UGT1A9: variants seen among roughly 807,000 people sequenced by gnomAD.
UGT1A9 encodes UDP glucuronosyltransferase family 1 member A9, also known as UDP-glucuronosyltransferase 1A9.
A neutral mutation model predicts 45.0 loss-of-function variants in UGT1A9; 35 were observed. That is an observed-to-expected ratio of 0.78 (90% CI 0.59 to 1.03). The LOEUF is 1.03. Ranked by LOEUF, UGT1A9 falls within the 50% of genes least tolerant of loss-of-function variation. UGT1A9 has a pLI of 0.00. For missense variants in UGT1A9, 687 were observed against 666.6 expected, an observed-to-expected ratio of 1.03 and a Z score of -0.34; for synonymous variants, 278 against 250.6, an observed-to-expected ratio of 1.11 and a Z score of -1.03.
intron 1 of UGT1A9, among the ~76,000 whole-genome samples, chr2:233,686,277 A>G (rs2074781499): frequency 6.6e-6 from 1 of 152,130 alleles, no homozygotes; most frequent in Non-Finnish European, 1.5e-5. Context: ...CCAAAAGTAC[A>G]AGAAACTAAA....
rs950679917 is a variant in UGT1A9 at position 233,672,658 on chromosome 2, T to G, written c.724T>G (p.Tyr242Asp). The G allele has an allele frequency of 6.2e-7, 1 of 1,613,752 alleles. No individual in the cohort carries two copies. Among genetic ancestry groups the G allele is most frequent in the Non-Finnish European group, 8.5e-7 (1 of 1,179,832 alleles). Residue 242 changes from tyrosine (Y) to aspartate (D), a missense_variant, in exon 1 of 5, where the codon TAT becomes GAT. Physicochemically the swap from Tyr to Asp is radical, Grantham distance 160. Coordinates refer to ENST00000354728, the MANE Select transcript of UGT1A9 (RefSeq NM_021027.3). ...SEILQTPVTE[Y>D]DLYSHTSIWL... ...AATTCTCCAAACACCTGTTACGGAG[T>G]ATGATCTCTACAGCCACACATCAAT...
intron 1 of UGT1A9, chr2:233,748,062 A>G (rs531373066): frequency 3.5e-4 from 569 of 1,613,430 alleles, no homozygotes; most frequent in Admixed American, 9.3e-4. Context: ...CTGTGCCAAC[A>G]GGAAGCCACT....
At chr2:233,705,093 GC>G (rs1278333462) in intron 1 of UGT1A9, among the ~76,000 whole-genome samples, 27 of 151,684 alleles carry the variant, frequency 1.8e-4, no homozygotes, top group Non-Finnish European at 3.8e-4. Context: ...CCAAGATCGT[GC>G]CATTGCACGC....
At chr2:233,692,979 C>T (rs2075124196) in intron 1 of UGT1A9, 1 of 1,612,844 alleles carries the variant, frequency 6.2e-7, no homozygotes, top group Admixed American at 1.7e-5. Flanking sequence ...CTCTTTATTA[C>T]CGTTGTTACT....
chr2:233,730,512 T>C (rs1468182310), intron 1 of UGT1A9, among the ~76,000 whole-genome samples: 3 of 152,116 alleles, frequency 2.0e-5, no homozygotes, highest in Non-Finnish European at 4.4e-5. Flanking sequence ...GTTGACTCAG[T>C]GGAAGTGGGG....
intron 1 of UGT1A9, among the ~76,000 whole-genome samples, chr2:233,705,227 T>G (rs1012532706): frequency 6.6e-6 from 1 of 152,202 alleles, no homozygotes; most frequent in Non-Finnish European, 1.5e-5. Flanking sequence ...TTATCAGTGC[T>G]TTTTTTCTGT....
At chr2:233,748,014 C>A in intron 1 of UGT1A9, 1 of 1,613,488 alleles carries the variant, frequency 6.2e-7, no homozygotes, top group Non-Finnish European at 8.5e-7. Flanking sequence ...TTACCCCAGG[C>A]CGATCATGCC....
chr2:233,680,498 G>A lies in UGT1A9; in HGVS notation c.855+7709G>A, dbSNP rs565945419. 4.6e-5 allele frequency among the ~76,000 whole-genome samples: 7 copies of A among 152,264 alleles called. No homozygotes were observed. The East Asian group carries it at 1.4e-3, about 29-fold the overall frequency. On this transcript the variant is annotated intron_variant, in intron 1 of 4. Transcript: ENST00000354728. ...GGTGTCCTGGAAGGAACCATCTTGT[G>A]CTTCTACAAGAATTATGCCCTGAGG...
Position 233,672,014 on chromosome 2 carries a change from A to G in UGT1A9, c.80A>G (p.Lys27Arg), listed in dbSNP as rs2074206931. ...LLTCGFAEAGKLLVVPMDGSH... is the reference protein window; with the variant it reads ...LLTCGFAEAGRLLVVPMDGSH... ...ACCTGTGGCTTTGCCGAGGCAGGGA[A>G]GCTACTGGTAGTGCCCATGGATGGG... The change falls in exon 1 of 5, where the codon AAG becomes AGG. Residue 27 changes from lysine (K) to arginine (R), a missense_variant. Lys to Arg is a conservative substitution (Grantham distance 26, BLOSUM62 2). Coordinates refer to ENST00000354728, the MANE Select transcript of UGT1A9 (RefSeq NM_021027.3). 1.2e-6 allele frequency: 2 copies of G among 1,614,010 alleles called. No individual in the cohort carries two copies. Among genetic ancestry groups the G allele is most frequent in the Non-Finnish European group, 1.7e-6 (2 of 1,180,008 alleles).
intron 1 of UGT1A9, among the ~76,000 whole-genome samples, chr2:233,674,864 T>C (rs1297061009): frequency 6.6e-6 from 1 of 152,180 alleles, no homozygotes; most frequent in Non-Finnish European, 1.5e-5. Context: ...AAATTGTCAT[T>C]GACAGAAGGA....
chr2:233,716,827 A>T (rs1249548003), intron 1 of UGT1A9, among the ~76,000 whole-genome samples: 1 of 152,150 alleles, frequency 6.6e-6, no homozygotes, highest in Admixed American at 6.5e-5. Flanking sequence ...GACCTCACTG[A>T]CACCCATGGC....
intron 1 of UGT1A9, among the ~76,000 whole-genome samples, chr2:233,702,673 C>T (rs1237832441): frequency 6.6e-6 from 1 of 152,056 alleles, no homozygotes; most frequent in East Asian, 1.9e-4. Flanking sequence ...CTTATCATAC[C>T]TGAGGTGTTT....
intron 1 of UGT1A9, among the ~76,000 whole-genome samples, chr2:233,730,785 G>C (rs1273458809): frequency 1.3e-5 from 2 of 152,122 alleles, no homozygotes; most frequent in Non-Finnish European, 2.9e-5. Flanking sequence ...TGAAGCTGGG[G>C]ACAGTGATGA....
At chr2:233,759,349 A>C (rs900901642) in intron 1 of UGT1A9, among the ~76,000 whole-genome samples, 1 of 152,146 alleles carries the variant, frequency 6.6e-6, no homozygotes, top group African/African-American at 2.4e-5. Context: ...GAGCGCTGAA[A>C]ATCTCAACTA....
In UGT1A9 at chr2:233,672,185, A is replaced by G. The variant is rs2074213921; in HGVS notation, c.251A>G (p.Glu84Gly). 1 of 1,614,072 alleles carries G rather than the reference A, an allele frequency of 6.2e-7. No individual in the cohort carries two copies. Among genetic ancestry groups the G allele is most frequent in the Admixed American group, 1.7e-5 (1 of 59,998 alleles). ...VKTYSTSYTL[E>G]DLDREFKAFA... Reference sequence around the variant, plus strand: ...ACTTATTCAACTTCATATACCCTGGAGGATCTGGACCGGGAGTTCAAGGCT... The same window carrying G: ...ACTTATTCAACTTCATATACCCTGGGGGATCTGGACCGGGAGTTCAAGGCT... The change falls in exon 1 of 5, where the codon GAG (glutamate) becomes GGG (glycine). Residue 84 changes from glutamate (E) to glycine (G), a missense_variant. Glu to Gly is a moderately conservative substitution (Grantham distance 98). Coordinates refer to ENST00000354728, the MANE Select transcript of UGT1A9 (RefSeq NM_021027.3).
chr2:233,693,265 G>A (rs1232427897), intron 1 of UGT1A9: 2 of 1,614,108 alleles, frequency 1.2e-6, no homozygotes, highest in South Asian at 2.2e-5. Flanking sequence ...AAGAAGAGCT[G>A]AAGAACCGTT....
chr2:233,693,284 T>C, intron 1 of UGT1A9: 1 of 1,614,156 alleles, frequency 6.2e-7, no homozygotes, highest in Non-Finnish European at 8.5e-7. Context: ...TTACCAATCA[T>C]TTGGAAACAA....
rs552027394 is a variant in UGT1A9, at chr2:233,768,534, G to A, written c.1295+95G>A. On this transcript the variant is annotated intron_variant, in intron 4 of 4. Transcript: ENST00000354728. ...CATTTACGTAGCATTTAATAGCGTT[G>A]TTTCAAATATAAAAACAAATACATA... 263 of 1,375,928 alleles carry A rather than the reference G, an allele frequency of 1.9e-4. 3 individuals carry two copies. In the South Asian group the frequency reaches 4.1e-3, roughly 21 times the overall value. The allele number at this position is 1,375,928 out of a possible 1,614,324, so 85.2% of individuals were successfully genotyped here.
chr2:233,772,776 CTT>C lies in UGT1A9; in HGVS notation c.*219_*220del. On this transcript the variant is annotated 3_prime_UTR_variant, in exon 5 of 5. Transcript: ENST00000354728. Reference sequence around the variant, plus strand: ...ATATGTATCGTGCCCCCTCTGGTGTCTTTGATCAGGATGACATGTGCCATTTT... The same window carrying C: ...ATATGTATCGTGCCCCCTCTGGTGTCTGATCAGGATGACATGTGCCATTTT... The C allele has an allele frequency of 7.6e-7, 1 of 1,308,314 alleles. No individual in the cohort carries two copies. The highest frequency in any genetic ancestry group is 1.0e-6 in the Non-Finnish European group (1 of 993,234). The allele number at this position is 1,308,314 out of a possible 1,614,324, so 81.0% of individuals were successfully genotyped here.
Sources: allele counts gnomAD v4.1 joint callset (sites outside exome capture counted in the v4.1 genomes callset), GRCh38; gene constraint gnomAD v4.1.1; transcripts MANE v1.5; gene names NCBI Gene and HGNC (gene_info 2026-07-23, HGNC 2026-07-21).